Variants in RNF170 observed in about 807,000 individuals in gnomAD.
RNF170 encodes the protein E3 ubiquitin-protein ligase RNF170.
Under a neutral mutation model 32.7 loss-of-function variants are expected in RNF170, and 12 were observed. That is an observed-to-expected ratio of 0.37 (90% CI 0.24 to 0.60). The LOEUF (loss-of-function observed/expected upper bound fraction) is 0.60. Among genes scored for constraint, RNF170 ranks in the 20% least tolerant of loss-of-function variants. RNF170 has a pLI of 0.72. For missense variants in RNF170, 212 were observed against 311.2 expected (o/e 0.68, Z 2.40); for synonymous variants, 91 against 103.6 (o/e 0.88, Z 0.74).
chr8:42,873,719 TTAATAA>T (rs1431945375), intron 3 of RNF170, among the ~76,000 whole-genome samples: 2 of 152,174 alleles, frequency 1.3e-5, no homozygotes, highest in Non-Finnish European at 2.9e-5. Flanking sequence ...TTAAAGCAAA[TTAATAA>T]TAAACAAACA....
At chr8:42,865,628 A>G in intron 4 of RNF170, 139 bp from the exon 5 acceptor site, 1 of 726,426 alleles carries the variant, frequency 1.4e-6, no homozygotes, top group Admixed American at 2.0e-5. Flanking sequence ...TCATCCAGCC[A>G]ACCCTTCAGG....
At chr8:42,869,825 G>A (rs1223376398) in intron 4 of RNF170, among the ~76,000 whole-genome samples, 179 bp downstream of exon 4, 1 of 152,094 alleles carries the variant, frequency 6.6e-6, no homozygotes, top group Admixed American at 6.6e-5. Context: ...AAATAAGTAA[G>A]TATATTATTT....
At chr8:42,887,911 C>G (rs562119973) in intron 1 of RNF170, 40 bp from the exon 2 acceptor site, 19 of 1,574,668 alleles carry the variant, frequency 1.2e-5, no homozygotes, top group Admixed American at 8.3e-5. Context: ...ACAAATGACA[C>G]AGTGAAAATG....
At chr8:42,887,942 T>G in intron 1 of RNF170, 71 bp from the exon 2 acceptor site, 4 of 1,388,382 alleles carry the variant, frequency 2.9e-6, no homozygotes, top group Non-Finnish European at 4.1e-6. Flanking sequence ...ATAAAAGCAA[T>G]GTAAATATAA....
rs1431273035 is a variant in RNF170 at position 42,853,604 on chromosome 8, T to C, written c.*2555A>G. ...ACCATCTGTTTTATGACAGTTATGA[T>C]ATTGTTGTTTAAAAAAAATCCAAAT... On this transcript the variant is annotated 3_prime_UTR_variant, in exon 7 of 7. Coordinates refer to ENST00000527424, the MANE Select transcript of RNF170 (RefSeq NM_030954.4). The C allele has an allele frequency of 7.8e-7, 1 of 1,284,444 alleles. No individual in the cohort carries two copies. The highest frequency in any genetic ancestry group is 5.6e-5 in the East Asian group (1 of 18,004). The allele number at this position is 1,284,444 out of a possible 1,614,324, so 79.6% of individuals were successfully genotyped here. A position where few individuals can be genotyped will look rare whatever the true frequency, so the allele number is the denominator to read the frequency against.
chr8:42,889,815 G>C (rs1049664994), intron 1 of RNF170, among the ~76,000 whole-genome samples: 2 of 152,184 alleles, frequency 1.3e-5, no homozygotes, highest in African/African-American at 2.4e-5. Flanking sequence ...CCTCAAATAA[G>C]CTAGGGGTGG....
intron 6 of RNF170, among the ~76,000 whole-genome samples, chr8:42,859,178 A>G (rs1221842302): frequency 6.6e-6 from 1 of 152,012 alleles, no homozygotes; most frequent in African/African-American, 2.4e-5. Flanking sequence ...CAAACAAACA[A>G]AATAGAAGTT....
chr8:42,886,021 G>C (rs1404941287), intron 2 of RNF170, among the ~76,000 whole-genome samples: 5 of 152,088 alleles, frequency 3.3e-5, no homozygotes, highest in African/African-American at 1.2e-4. Flanking sequence ...TCAGGAGTTC[G>C]AGACCATCCT....
At chr8:42,877,895 T>C in intron 2 of RNF170, among the ~76,000 whole-genome samples, 1 of 152,252 alleles carries the variant, frequency 6.6e-6, no homozygotes, top group East Asian at 1.9e-4. Flanking sequence ...GATTTTATTT[T>C]GTTTCACTTT....
At chr8:42,865,787 C>G (rs1166714418) in intron 4 of RNF170, among the ~76,000 whole-genome samples, 1 of 152,084 alleles carries the variant, frequency 6.6e-6, no homozygotes, top group Non-Finnish European at 1.5e-5. Context: ...AGTTTGAGAC[C>G]AGGGTGGCCA....
chr8:42,892,384 C>T (rs1355188977), intron 1 of RNF170, among the ~76,000 whole-genome samples: 1 of 152,054 alleles, frequency 6.6e-6, no homozygotes, highest in Non-Finnish European at 1.5e-5. Flanking sequence ...AAGCTGGTCT[C>T]CAACTCCTGG....
intron 4 of RNF170, among the ~76,000 whole-genome samples, chr8:42,869,001 C>G (rs1804325194): frequency 6.6e-6 from 1 of 152,142 alleles, no homozygotes; most frequent in Non-Finnish European, 1.5e-5. Flanking sequence ...GGCTCAAGCT[C>G]CTGGGCTCAA....
rs2128953576 is a variant in RNF170 at position 42,888,401 on chromosome 8, T to C, written c.-7-530A>G. ...TTTTAAGGAAAACAATTACTATAAT[T>C]TATCATTTATTTATGTATTTTTTAA... On this transcript the variant is annotated intron_variant, in intron 1 of 6. Coordinates refer to ENST00000527424, the MANE Select transcript of RNF170 (RefSeq NM_030954.4). Among the ~76,000 whole-genome samples, 7 of 152,074 alleles carry C rather than the reference T, an allele frequency of 4.6e-5. No homozygotes were observed. The Middle Eastern group carries it at 0.01, about 222-fold the overall frequency.
At chr8:42,858,173 G>C (rs1803385014) in intron 6 of RNF170, among the ~76,000 whole-genome samples, 1 of 151,966 alleles carries the variant, frequency 6.6e-6, no homozygotes, top group Non-Finnish European at 1.5e-5. Context: ...AAAAATTGCT[G>C]GGTCAAAATT....
chr8:42,853,733 C>T lies in RNF170; in HGVS notation c.*2426G>A, dbSNP rs1376931790. ...TGCTTTAAAAACTCTCAGATCCCTT[C>T]TGCATTTATCATCAGAGATCGGTAA... is the stretch of plus-strand genomic sequence containing the variant. On this transcript the variant is annotated 3_prime_UTR_variant, in exon 7 of 7. Transcript: ENST00000527424. The T allele has an allele frequency of 7.8e-7, 1 of 1,287,024 alleles. No individual in the cohort carries two copies. The highest frequency in any genetic ancestry group is 2.3e-5 in the Admixed American group (1 of 43,538). 79.7% of individuals were successfully genotyped at this position (1,287,024 alleles called of 1,614,324 possible).
At chr8:42,884,365 T>C (rs1274429229) in intron 2 of RNF170, among the ~76,000 whole-genome samples, 1 of 152,152 alleles carries the variant, frequency 6.6e-6, no homozygotes, top group African/African-American at 2.4e-5. Flanking sequence ...ATTACAGGCA[T>C]GAGCCACTGA....
At chr8:42,850,418 A>C, downstream of RNF170, 1 of 278,416 alleles carries the variant, frequency 3.6e-6, no homozygotes, top group Non-Finnish European at 7.1e-6. Flanking sequence ...TTTAGGTGAG[A>C]AGTGAGGGTG....
chr8:42,851,804 A>T (rs1010723738), downstream of RNF170, among the ~76,000 whole-genome samples: 4 of 152,040 alleles, frequency 2.6e-5, no homozygotes, highest in African/African-American at 9.7e-5. Flanking sequence ...CGTCTGGCTA[A>T]TTTTATTTGT....
chr8:42,868,351 T>A (rs2128932637), intron 4 of RNF170, among the ~76,000 whole-genome samples: 1 of 152,330 alleles, frequency 6.6e-6, no homozygotes, highest in South Asian at 2.1e-4. Flanking sequence ...ATATGCTACA[T>A]GTTAAATTAG....
Sources: gnomAD v4.1 joint callset for allele counts (sites outside exome capture counted in the v4.1 genomes callset) on GRCh38, gnomAD v4.1.1 for gene constraint, MANE v1.5 for transcripts, NCBI Gene and HGNC (gene_info 2026-07-23, HGNC 2026-07-21) for gene names.